The following TENM4 variants were observed in gnomAD, a reference collection of about 807,000 sequenced individuals.
TENM4 encodes the protein teneurin transmembrane protein 4, also known as teneurin-4.
Under a neutral mutation model 243.3 loss-of-function variants are expected in TENM4, and 82 were observed. The ratio of observed to expected loss-of-function variants is 0.34; its 90% CI spans 0.28 to 0.40. The LOEUF (loss-of-function observed/expected upper bound fraction) is 0.40, where lower values mean the gene tolerates loss of function less well. Among genes scored for constraint, TENM4 ranks in the 10% least tolerant of loss-of-function variants. The pLI, the probability that TENM4 is intolerant of heterozygous loss-of-function variation, is 1.00. For synonymous variants in TENM4, 1,412 were observed against 1,456.3 expected, an observed-to-expected ratio of 0.97 and a Z score of 0.69; for missense variants, 3,138 against 3,673.3, an observed-to-expected ratio of 0.85 and a Z score of 3.77.
chr11:79,123,589 G>A (rs1417272053), intron 4 of TENM4, among the ~76,000 whole-genome samples: 4 of 142,848 alleles, frequency 2.8e-5, no homozygotes, highest in African/African-American at 5.4e-5. Context: ...CCAGACAAAC[G>A]CAGTAGCCCC....
chr11:79,048,908 C>G (rs548602016), intron 6 of TENM4, among the ~76,000 whole-genome samples: 1 of 152,154 alleles, frequency 6.6e-6, no homozygotes, highest in Non-Finnish European at 1.5e-5. Context: ...CTCCCTTGGT[C>G]GGTGCTTAGA....
intron 5 of TENM4, among the ~76,000 whole-genome samples, chr11:79,065,544 G>A (rs1278989779): frequency 6.6e-6 from 1 of 152,202 alleles, no homozygotes; most frequent in African/African-American, 2.4e-5. Flanking sequence ...TCCTGAGCAG[G>A]GCAGAAGCCC....
intron 2 of TENM4, among the ~76,000 whole-genome samples, chr11:79,261,315 C>A (rs962498999): frequency 6.6e-6 from 1 of 152,162 alleles, no homozygotes; most frequent in Non-Finnish European, 1.5e-5. Flanking sequence ...GCTGATAGAT[C>A]TGACCCCACA....
rs549488208 is a variant in TENM4 at position 79,431,934 on chromosome 11, C to T, written c.-321+8575G>A. The stretch of plus-strand genomic sequence containing the variant: ...TCCTTGCATTTTTTTTTAATCCCAA[C>T]CTTAATCGAATGTCTTACAATGATA... On this transcript the variant is annotated intron_variant, in intron 1 of 33. Transcript: ENST00000278550. Among the ~76,000 whole-genome samples the T allele has an allele frequency of 9.9e-4, 150 of 152,226 alleles. 1 individual carries two copies. Among genetic ancestry groups the T allele is most frequent in the African/African-American group, 3.5e-3 (144 of 41,538 alleles).
At chr11:79,192,072 G>A (rs1337006136) in intron 3 of TENM4, among the ~76,000 whole-genome samples, 3 of 144,234 alleles carry the variant, frequency 2.1e-5, no homozygotes, top group East Asian at 2.1e-4. Context: ...CCAGCCAGCC[G>A]TCCCGTCCGG....
chr11:79,272,602 T>C (rs501466), intron 2 of TENM4, among the ~76,000 whole-genome samples: 61,611 of 151,924 alleles, frequency 0.41, 14,927 homozygotes, highest in Non-Finnish European at 0.55. Flanking sequence ...GGCTACCATA[T>C]TGGTAGTGCA....
chr11:79,029,536 A>G (rs1329115067), intron 6 of TENM4, among the ~76,000 whole-genome samples: 1 of 152,148 alleles, frequency 6.6e-6, no homozygotes, highest in East Asian at 1.9e-4. Context: ...CAAATACAGC[A>G]ATCTATTTCA....
rs1856323805 is a variant in TENM4, at chr11:78,756,945, G to A, written c.2616C>T (p.Ser872=). 3.1e-6 allele frequency: 5 copies of A among 1,613,882 alleles called. No homozygotes were observed. Among genetic ancestry groups the A allele is most frequent in the Non-Finnish European group, 3.4e-6 (4 of 1,179,906 alleles). ...LCHINPLCLG[S]PNPLDIIQET... is the part of the protein sequence containing the mutation. ...CCTGGATGATGTCCAGAGGGTTAGGGGAGCCAAGGCACAGCGGGTTGATAT... is the reference window on the plus strand; with the variant it reads ...CCTGGATGATGTCCAGAGGGTTAGGAGAGCCAAGGCACAGCGGGTTGATAT... Residue 872 remains serine, a synonymous_variant, in exon 19 of 34, where the codon TCC becomes TCT. Transcript: ENST00000278550.
At chr11:79,250,670 A>T (rs1382002656) in intron 2 of TENM4, among the ~76,000 whole-genome samples, 1 of 152,256 alleles carries the variant, frequency 6.6e-6, no homozygotes, top group Admixed American at 6.5e-5. Context: ...CCAACATTAG[A>T]CACAATTCAA....
At chr11:79,425,913 T>A (rs192525231) in intron 1 of TENM4, among the ~76,000 whole-genome samples, 1 of 152,290 alleles carries the variant, frequency 6.6e-6, no homozygotes, top group East Asian at 1.9e-4. Flanking sequence ...CATTTTGACT[T>A]GAAAAGTTCT....
chr11:78,693,914 C>A (rs11824941), intron 28 of TENM4, among the ~76,000 whole-genome samples: 2,861 of 152,204 alleles, frequency 0.019, 93 homozygotes, highest in African/African-American at 0.066. Flanking sequence ...ACTCGGGAGG[C>A]TGAGGCAGGA....
At chr11:79,306,890 T>TCAAA (rs10646491) in intron 1 of TENM4, among the ~76,000 whole-genome samples, 3,404 of 152,184 alleles carry the variant, frequency 0.022, 139 homozygotes, top group African/African-American at 0.078. Flanking sequence ...TGTCCTTCAT[T>TCAAA]CAAACAGCCA....
At chr11:79,406,727 A>T (rs1439514873) in intron 1 of TENM4, among the ~76,000 whole-genome samples, 5 of 152,148 alleles carry the variant, frequency 3.3e-5, no homozygotes, top group Non-Finnish European at 5.9e-5. Context: ...GCAAAGCAGA[A>T]TGGAGAATCT....
rs1404614738 is a variant in TENM4, at chr11:78,655,315, A to G, written c.*2743T>C. ...TTTTCTAAAGCTTCGGGATCCTTCA[A>G]CTTCTCTCCCCACAGAAGCTGGGCT... On this transcript the variant is annotated 3_prime_UTR_variant, in exon 34 of 34. Coordinates refer to ENST00000278550, the MANE Select transcript of TENM4 (RefSeq NM_001098816.3). 1 of 152,278 alleles carries G rather than the reference A, an allele frequency of 6.6e-6. No individual in the cohort carries two copies. The highest frequency in any genetic ancestry group is 2.4e-5 in the African/African-American group (1 of 41,552). 9.4% of individuals were successfully genotyped at this position (152,278 alleles called of 1,614,324 possible).
intron 1 of TENM4, among the ~76,000 whole-genome samples, chr11:79,362,983 G>A (rs980397920): frequency 6.6e-6 from 1 of 152,222 alleles, no homozygotes; most frequent in Non-Finnish European, 1.5e-5. Context: ...CAAGCACATT[G>A]CCTGACTGGC....
At chr11:78,904,377 T>TAAAAAAAAAAAAAAAAAAAAAAAAAAA (rs1333665292) in intron 6 of TENM4, among the ~76,000 whole-genome samples, 1 of 100,186 alleles carries the variant, frequency 1.0e-5, no homozygotes, top group African/African-American at 5.1e-5. Context: ...AAAAAAAAAG[T>TAAAAAAAAAAAAAAAAAAAAAAAAAAA]AAAACATAGA....
At chr11:78,687,022 T>A (rs1858694783) in intron 29 of TENM4, among the ~76,000 whole-genome samples, 1 of 152,226 alleles carries the variant, frequency 6.6e-6, no homozygotes, top group Non-Finnish European at 1.5e-5. Context: ...TGGCTCATGC[T>A]AGTCACTACA....
chr11:79,379,479 C>A (rs949240746), intron 1 of TENM4, among the ~76,000 whole-genome samples: 5 of 152,128 alleles, frequency 3.3e-5, no homozygotes, highest in African/African-American at 1.2e-4. Flanking sequence ...GGAGAGATGA[C>A]AATGGACTGG....
intron 1 of TENM4, among the ~76,000 whole-genome samples, chr11:79,432,038 TG>T (rs1434848071): frequency 1.3e-5 from 2 of 152,250 alleles, no homozygotes; most frequent in African/African-American, 4.8e-5. Flanking sequence ...ATCTGGCTAG[TG>T]CAACCAAGGA....
Sources: gnomAD v4.1 joint callset for allele counts (sites outside exome capture counted in the v4.1 genomes callset) on GRCh38, gnomAD v4.1.1 for gene constraint, MANE v1.5 for transcripts, NCBI Gene and HGNC (gene_info 2026-07-23, HGNC 2026-07-21) for gene names.